Variants in MACROD2 observed in about 807,000 individuals in gnomAD.
The protein encoded by MACROD2 is ADP-ribose glycohydrolase MACROD2.
A neutral mutation model predicts 70.4 loss-of-function variants in MACROD2; 36 were observed. The ratio of observed to expected loss-of-function variants is 0.51; its 90% confidence interval spans 0.39 to 0.68. MACROD2 has a LOEUF of 0.68. Among genes scored for constraint, MACROD2 ranks in the 30% least tolerant of loss-of-function variants. MACROD2 has a pLI of 0.00. For synonymous variants in MACROD2, 172 were observed against 178.8 expected (o/e 0.96, Z 0.30); for missense variants, 496 against 538.4 (o/e 0.92, Z 0.78).
chr20:14,060,924 G>A (rs2053683951), intron 2 of MACROD2, among the ~76,000 whole-genome samples: 1 of 152,030 alleles, frequency 6.6e-6, no homozygotes, highest in African/African-American at 2.4e-5. Flanking sequence ...CAAGCTTTAT[G>A]TCCTTAGGTA....
rs1445818702 is a variant in MACROD2 at position 15,021,137 on chromosome 20, CGT to C, written c.419-208796_419-208795del. 3.7e-4 allele frequency among the ~76,000 whole-genome samples: 34 copies of C among 90,912 alleles called. 3 individuals carry two copies. Among genetic ancestry groups the C allele is most frequent in the African/African-American group, 1.4e-3 (33 of 22,974 alleles). The allele number at this position is 90,912 out of a possible 152,430, so 59.6% of individuals were successfully genotyped here. A position where few individuals can be genotyped will look rare whatever the true frequency, so the allele number is the denominator to read the frequency against. On this transcript the variant is annotated intron_variant, in intron 5 of 17. Coordinates refer to ENST00000684519, the MANE Select transcript of MACROD2 (RefSeq NM_001351661.2). ...GTGTATACACGTGTGTATACACATA[CGT>C]GTGTGTATACACACACCTGTGTGTA...
intron 8 of MACROD2, among the ~76,000 whole-genome samples, chr20:15,672,613 G>A (rs961620426): frequency 4.6e-5 from 7 of 152,146 alleles, no homozygotes; most frequent in Non-Finnish European, 8.8e-5. Flanking sequence ...CAATTCACAC[G>A]ACATATTCTC....
chr20:15,312,599 G>A (rs536500579), intron 6 of MACROD2, among the ~76,000 whole-genome samples: 12 of 152,018 alleles, frequency 7.9e-5, no homozygotes, highest in Non-Finnish European at 1.0e-4. Flanking sequence ...GTATGCTTCT[G>A]TTTACATAAA....
At chr20:15,128,542 T>C (rs909447571) in intron 5 of MACROD2, among the ~76,000 whole-genome samples, 4 of 152,132 alleles carry the variant, frequency 2.6e-5, no homozygotes, top group African/African-American at 9.6e-5. Context: ...TTTAATACTC[T>C]GAGGTAGGAT....
chr20:15,988,635 A>G (rs6043661), intron 15 of MACROD2, among the ~76,000 whole-genome samples: 4,581 of 152,214 alleles, frequency 0.03, 186 homozygotes, highest in East Asian at 0.15. Flanking sequence ...AAATATGCCA[A>G]TCTTTTTCTG....
chr20:15,827,998 C>T (rs73614466), intron 8 of MACROD2, among the ~76,000 whole-genome samples: 2,812 of 152,200 alleles, frequency 0.018, 86 homozygotes, highest in South Asian at 0.1. Flanking sequence ...TGTACATTAC[C>T]AGAGAAAATC....
intron 3 of MACROD2, among the ~76,000 whole-genome samples, chr20:14,288,771 C>T (rs1193543895): frequency 3.3e-5 from 5 of 152,180 alleles, no homozygotes. Flanking sequence ...ACATTCTGTT[C>T]TCTGACTCAG....
chr20:14,430,008 C>T (rs1041799102), intron 3 of MACROD2, among the ~76,000 whole-genome samples: 25 of 152,102 alleles, frequency 1.6e-4, no homozygotes, highest in African/African-American at 6.0e-4. Context: ...TGAATTAAAC[C>T]ATCTACTTCC....
intron 4 of MACROD2, among the ~76,000 whole-genome samples, chr20:14,638,929 G>A (rs1476214040): frequency 1.4e-5 from 2 of 145,422 alleles, no homozygotes; most frequent in South Asian, 2.2e-4. Context: ...CAGCCTGGGC[G>A]ACAGAGCAAG....
At chr20:14,786,821 G>A (rs2072380303) in intron 5 of MACROD2, among the ~76,000 whole-genome samples, 1 of 152,004 alleles carries the variant, frequency 6.6e-6, no homozygotes, top group African/African-American at 2.4e-5. Flanking sequence ...TGGATACTGG[G>A]TATTCAGATT....
rs116529422 is a variant in MACROD2, at chr20:15,419,644, C to T, written c.541-11761C>T. 4.5e-3 allele frequency among the ~76,000 whole-genome samples: 689 copies of T among 152,288 alleles called. 9 individuals carry two copies. The highest frequency in any genetic ancestry group is 0.016 in the African/African-American group (654 of 41,554). On this transcript the variant is annotated intron_variant, in intron 6 of 17. Transcript: ENST00000684519. ...CCATGAGCTGTGGGCCTTTTAGTCT[C>T]GAGTGGGTAATTTACTTCTCAGGGG... is the stretch of plus-strand genomic sequence containing the variant.
intron 6 of MACROD2, among the ~76,000 whole-genome samples, chr20:15,271,342 C>T (rs1035882499): frequency 3.3e-5 from 5 of 152,180 alleles, no homozygotes; most frequent in Admixed American, 3.3e-4. Flanking sequence ...GCTCCACTCT[C>T]ATGACCTAAT....
chr20:14,330,157 A>G (rs1336148344), intron 3 of MACROD2, among the ~76,000 whole-genome samples: 1 of 152,060 alleles, frequency 6.6e-6, no homozygotes. Context: ...TTCATACATG[A>G]ATATTGCCAG....
chr20:14,741,163 A>G (rs2071727665), intron 5 of MACROD2, among the ~76,000 whole-genome samples: 1 of 152,196 alleles, frequency 6.6e-6, no homozygotes, highest in African/African-American at 2.4e-5. Context: ...AGTGAGGAGA[A>G]GTTCAGAATT....
At chr20:15,204,613 G>A (rs1385547761) in intron 5 of MACROD2, among the ~76,000 whole-genome samples, 1 of 152,130 alleles carries the variant, frequency 6.6e-6, no homozygotes, top group Non-Finnish European at 1.5e-5. Context: ...AAATGCTCCT[G>A]TATGATGAAA....
Position 15,688,116 on chromosome 20 carries a change from A to G in MACROD2, c.646-174629A>G, listed in dbSNP as rs570378762. Reference sequence around the variant, plus strand: ...AAAAAGTAATGAATTATCAGGCAGGAAAATAATTTAGGTTAATAGTAAAAT... The same window carrying G: ...AAAAAGTAATGAATTATCAGGCAGGGAAATAATTTAGGTTAATAGTAAAAT... On this transcript the variant is annotated intron_variant, in intron 8 of 17. Coordinates refer to ENST00000684519, the MANE Select transcript of MACROD2 (RefSeq NM_001351661.2). 6.6e-5 allele frequency among the ~76,000 whole-genome samples: 10 copies of G among 152,342 alleles called. No homozygotes were observed. The East Asian group carries it at 1.7e-3, about 26-fold the overall frequency.
chr20:14,553,160 T>C (rs544019309), intron 4 of MACROD2, among the ~76,000 whole-genome samples: 20 of 151,808 alleles, frequency 1.3e-4, no homozygotes, highest in African/African-American at 4.6e-4. Flanking sequence ...TATAAGCTTT[T>C]TTCTATATTA....
At position 14,423,557 on chromosome 20, in the gene MACROD2, G is replaced by T. The variant is rs375187817; in HGVS notation, c.272-69922G>T. ...TACTAAAAATACAAAAAAATTAACC[G>T]CGCATGGTGGCGGGCCCCTGTAGTC... On this transcript the variant is annotated intron_variant, in intron 3 of 17. Coordinates refer to ENST00000684519, the MANE Select transcript of MACROD2 (RefSeq NM_001351661.2). 2.6e-5 allele frequency among the ~76,000 whole-genome samples: 4 copies of T among 151,346 alleles called. No individual in the cohort carries two copies. The East Asian group carries it at 6.1e-4, about 23-fold the overall frequency.
chr20:15,111,181 T>G (rs955578453), intron 5 of MACROD2, among the ~76,000 whole-genome samples: 89 of 151,168 alleles, frequency 5.9e-4, no homozygotes, highest in Admixed American at 1.4e-3. Context: ...TTGTTTGTTT[T>G]TTTTTTTTTG....
Sources: allele counts gnomAD v4.1 joint callset (sites outside exome capture counted in the v4.1 genomes callset), GRCh38; gene constraint gnomAD v4.1.1; transcripts MANE v1.5; gene names NCBI Gene and HGNC (gene_info 2026-07-23, HGNC 2026-07-21).